The following SCFD2 variants were observed in gnomAD, a reference collection of about 807,000 sequenced individuals.
SCFD2 encodes sec1 family domain containing 2.
SCFD2 carries 54 observed loss-of-function variants against 58.9 expected under a neutral mutation model. That is an observed-to-expected ratio of 0.92 (90% CI 0.74 to 1.15). The LOEUF is 1.15. Among genes scored for constraint, SCFD2 ranks in the 50% most tolerant of loss-of-function variants. SCFD2 has a pLI of 0.00. For missense variants in SCFD2, 805 were observed against 836.6 expected, an observed-to-expected ratio of 0.96 and a Z score of 0.47; for synonymous variants, 321 against 335.9, an observed-to-expected ratio of 0.96 and a Z score of 0.49.
At position 53,063,436 on chromosome 4, in the gene SCFD2, C is replaced by T. The variant is rs138361474; in HGVS notation, c.1561+81897G>A. On this transcript the variant is annotated intron_variant, in intron 5 of 8. Transcript: ENST00000401642. ...ATAAATACATTTAAAATAATAATTC[C>T]CATTTTAAAAGGAGATAAAAAGGGG... Among the ~76,000 whole-genome samples, 339 of 152,022 alleles carry T rather than the reference C, an allele frequency of 2.2e-3. 1 individual carries two copies. Among genetic ancestry groups the T allele is most frequent in the African/African-American group, 7.5e-3 (310 of 41,490 alleles).
intron 5 of SCFD2, among the ~76,000 whole-genome samples, chr4:53,007,021 C>T (rs1721983679): frequency 6.6e-6 from 1 of 151,968 alleles, no homozygotes; most frequent in South Asian, 2.1e-4. Flanking sequence ...TGGCTCACGC[C>T]TATAATCCTA....
Position 53,273,871 on chromosome 4 carries a change from A to C in SCFD2, c.1266T>G (p.Thr422=). The part of the protein sequence containing the change: ...ATAQTLKHPQ[T]AKWDNFLAFE... Reference sequence around the variant, plus strand: ...AAGCCAGAAAGTTGTCCCACTTGGCAGTCTGTGGGTGTTTCAACGTTTGAG... The same window carrying C: ...AAGCCAGAAAGTTGTCCCACTTGGCCGTCTGTGGGTGTTTCAACGTTTGAG... Residue 422 remains threonine (T), a synonymous_variant, in exon 4 of 9, where the codon ACT becomes ACG. Coordinates refer to ENST00000401642, the MANE Select transcript of SCFD2 (RefSeq NM_152540.4). The C allele has an allele frequency of 3.1e-6, 5 of 1,613,644 alleles. No homozygotes were observed. Among genetic ancestry groups the C allele is most frequent in the Non-Finnish European group, 4.2e-6 (5 of 1,179,746 alleles).
At chr4:53,310,526 T>C (rs1163699061) in intron 3 of SCFD2, among the ~76,000 whole-genome samples, 5 of 152,232 alleles carry the variant, frequency 3.3e-5, no homozygotes, top group Non-Finnish European at 7.3e-5. Context: ...ATGGTCTATT[T>C]GTTTTGTTAC....
At chr4:53,110,041 G>GGAACAGAACAGAATA (rs1725123318) in intron 5 of SCFD2, among the ~76,000 whole-genome samples, 1 of 151,158 alleles carries the variant, frequency 6.6e-6, no homozygotes, top group Admixed American at 6.6e-5. Flanking sequence ...ACAGACCAAT[G>GGAACAGAACAGAATA]GAACAGAACA....
At chr4:53,237,909 A>AC (rs1183129777) in intron 4 of SCFD2, among the ~76,000 whole-genome samples, 8 of 55,030 alleles carry the variant, frequency 1.5e-4, no homozygotes, top group African/African-American at 4.5e-4. Context: ...CGGGGGGCTG[A>AC]CCCCCCCACC....
In SCFD2 at chr4:53,025,922, T is replaced by C. The variant is rs1048035989; in HGVS notation, c.1562-105052A>G. ...CAGGGATAATTTCATATGTTAAAAG[T>C]TTCAAGAAATCTTTTTACTTAGACT... On this transcript the variant is annotated intron_variant, in intron 5 of 8. Coordinates refer to ENST00000401642, the MANE Select transcript of SCFD2 (RefSeq NM_152540.4). Among the ~76,000 whole-genome samples the C allele has an allele frequency of 8.7e-5, 13 of 148,626 alleles. 1 individual carries two copies. Among genetic ancestry groups the C allele is most frequent in the African/African-American group, 2.2e-4 (9 of 40,134 alleles).
chr4:53,299,351 G>C (rs1405750349), intron 3 of SCFD2, among the ~76,000 whole-genome samples: 2 of 152,150 alleles, frequency 1.3e-5, no homozygotes, highest in South Asian at 2.1e-4. Context: ...ATCAGTGATG[G>C]AAGATCAAAT....
intron 4 of SCFD2, among the ~76,000 whole-genome samples, chr4:53,211,197 T>G (rs1362013253): frequency 1.3e-5 from 2 of 150,606 alleles, no homozygotes; most frequent in Non-Finnish European, 3.0e-5. Flanking sequence ...GAGCTGAGAT[T>G]GCACCACTGC....
chr4:53,229,497 C>T (rs1016919812), intron 4 of SCFD2, among the ~76,000 whole-genome samples: 1 of 152,118 alleles, frequency 6.6e-6, no homozygotes, highest in African/African-American at 2.4e-5. Flanking sequence ...CTTTGACAAA[C>T]CTGACAAAAA....
intron 5 of SCFD2, among the ~76,000 whole-genome samples, chr4:53,001,576 A>G (rs1721866692): frequency 6.6e-6 from 1 of 152,240 alleles, no homozygotes; most frequent in African/African-American, 2.4e-5. Context: ...AGTTTTCCAC[A>G]TGAAAGGTAG....
chr4:52,917,234 T>C (rs1353541553), intron 6 of SCFD2, among the ~76,000 whole-genome samples: 5 of 152,164 alleles, frequency 3.3e-5, no homozygotes, highest in Non-Finnish European at 7.3e-5. Context: ...ACGTATTAAT[T>C]CACCAAATCA....
intron 7 of SCFD2, among the ~76,000 whole-genome samples, chr4:52,886,573 C>T (rs1257991291): frequency 6.6e-6 from 1 of 152,258 alleles, no homozygotes; most frequent in African/African-American, 2.4e-5. Flanking sequence ...GGTGGGGCAT[C>T]TCCTGTGGCA....
At chr4:52,885,435 T>C (rs1211330509) in intron 8 of SCFD2, among the ~76,000 whole-genome samples, 1 of 152,174 alleles carries the variant, frequency 6.6e-6, no homozygotes, top group Non-Finnish European at 1.5e-5. Context: ...CAGATTATTT[T>C]GCAAAGAACA....
At chr4:52,935,866 T>G (rs979854033) in intron 5 of SCFD2, among the ~76,000 whole-genome samples, 12 of 152,140 alleles carry the variant, frequency 7.9e-5, no homozygotes, top group African/African-American at 2.9e-4. Context: ...AGACAGAGTT[T>G]CCCTCTTGTT....
intron 1 of SCFD2, among the ~76,000 whole-genome samples, chr4:53,353,461 G>A (rs1462493638): frequency 6.6e-6 from 1 of 152,172 alleles, no homozygotes; most frequent in Non-Finnish European, 1.5e-5. Context: ...ACCCAACCAG[G>A]TTGCCACTGC....
chr4:53,262,157 G>A (rs1264434544), intron 4 of SCFD2, among the ~76,000 whole-genome samples: 1 of 152,104 alleles, frequency 6.6e-6, no homozygotes, highest in Non-Finnish European at 1.5e-5. Context: ...TGTGTTAGAT[G>A]AGTCTCCTGA....
intron 6 of SCFD2, among the ~76,000 whole-genome samples, chr4:52,914,306 G>C (rs905658986): frequency 1.3e-5 from 2 of 152,048 alleles, no homozygotes; most frequent in African/African-American, 4.8e-5. Flanking sequence ...AACTGGACTT[G>C]TCCCTTGGAG....
At chr4:52,939,366 G>T (rs959178065) in intron 5 of SCFD2, among the ~76,000 whole-genome samples, 1 of 152,144 alleles carries the variant, frequency 6.6e-6, no homozygotes, top group Non-Finnish European at 1.5e-5. Context: ...CTGATGTTCA[G>T]AATTGCTAGT....
chr4:53,148,925 G>A (rs1726421721), intron 4 of SCFD2, among the ~76,000 whole-genome samples: 1 of 152,180 alleles, frequency 6.6e-6, no homozygotes, highest in Admixed American at 6.5e-5. Context: ...CAGAAGGATC[G>A]CTTGAACCCA....
Sources: gnomAD v4.1 joint callset for allele counts (sites outside exome capture counted in the v4.1 genomes callset) on GRCh38, gnomAD v4.1.1 for gene constraint, MANE v1.5 for transcripts, NCBI Gene and HGNC (gene_info 2026-07-23, HGNC 2026-07-21) for gene names.